The following ANXA4 variants were observed in gnomAD, a reference collection of about 807,000 sequenced individuals.
ANXA4 encodes 35-beta calcimedin.
In ANXA4, 39 loss-of-function variants were observed where a neutral mutation model predicts 49.8. That is an observed-to-expected ratio of 0.78 (90% CI 0.61 to 1.02). The LOEUF is 1.02. Among genes scored for constraint, ANXA4 ranks in the 50% least tolerant of loss-of-function variants. ANXA4 has a pLI of 0.00. For missense variants in ANXA4, 360 were observed against 410.1 expected (o/e 0.88, Z 1.05); for synonymous variants, 134 against 152.5 (o/e 0.88, Z 0.89).
intron 2 of ANXA4, among the ~76,000 whole-genome samples, chr2:69,691,557 ACACACACACACACATG>A (rs967157498): frequency 2.3e-5 from 2 of 88,700 alleles, no homozygotes; most frequent in African/African-American, 8.8e-5. Flanking sequence ...CAGTGATTTC[ACACACACACACACATG>A]CACACACACA....
intron 2 of ANXA4, among the ~76,000 whole-genome samples, chr2:69,654,055 G>C (rs1455579669): frequency 6.6e-6 from 1 of 152,160 alleles, no homozygotes; most frequent in Non-Finnish European, 1.5e-5. Context: ...AATTGTGAAT[G>C]GGAGTTCACT....
At chr2:69,793,639 T>A (rs535538910) in intron 3 of ANXA4, among the ~76,000 whole-genome samples, 7 of 152,308 alleles carry the variant, frequency 4.6e-5, no homozygotes, top group African/African-American at 1.2e-4. Context: ...GGAATACAGC[T>A]TCCAGGGCCT....
At chr2:69,805,258 C>T (rs765704578) in intron 4 of ANXA4, among the ~76,000 whole-genome samples, 1 of 151,890 alleles carries the variant, frequency 6.6e-6, no homozygotes, top group Non-Finnish European at 1.5e-5. Context: ...CACAAAGATA[C>T]AACTAAATGC....
chr2:69,813,783 A>G (rs1184788182), intron 8 of ANXA4, among the ~76,000 whole-genome samples: 1 of 135,096 alleles, frequency 7.4e-6, no homozygotes, highest in African/African-American at 2.8e-5. Context: ...TTTTTGAGAC[A>G]GGGTCTCACT....
At chr2:69,777,864 A>G (rs1672023572) in intron 1 of ANXA4, among the ~76,000 whole-genome samples, 1 of 152,172 alleles carries the variant, frequency 6.6e-6, no homozygotes, top group African/African-American at 2.4e-5. Context: ...GTCATCCTCC[A>G]TGTCAGGGGT....
Position 69,788,149 on chromosome 2 carries a change from T to C in ANXA4, c.97+8T>C, listed in dbSNP as rs765736610. ...AGGCCATGAAAGGGCTCGGTATGTG[T>C]CCTGCTGGAAGTGAATCCTCCTGCG... is the stretch of plus-strand genomic sequence containing the variant. On this transcript the variant is annotated splice_region_variant and intron_variant, in intron 3 of 12. Coordinates refer to ENST00000394295, the MANE Select transcript of ANXA4 (RefSeq NM_001153.5). 1.2e-6 allele frequency: 2 copies of C among 1,612,072 alleles called. No homozygotes were observed. The highest frequency in any genetic ancestry group is 4.5e-5 in the East Asian group (2 of 44,864).
At chr2:69,673,512 G>T (rs991995460) in intron 2 of ANXA4, among the ~76,000 whole-genome samples, 2 of 99,376 alleles carry the variant, frequency 2.0e-5, no homozygotes, top group African/African-American at 7.5e-5. Flanking sequence ...GTTGGGGATT[G>T]GGGGGCTAGG....
chr2:69,804,659 T>C, intron 4 of ANXA4, 32 bp downstream of exon 4: 1 of 1,575,772 alleles, frequency 6.3e-7, no homozygotes, highest in Non-Finnish European at 8.7e-7. Context: ...TCTGTCTGGC[T>C]GACTTCGCAG....
chr2:69,651,421 T>G (rs1468235800), intron 1 of ANXA4, among the ~76,000 whole-genome samples: 2 of 152,236 alleles, frequency 1.3e-5, no homozygotes. Flanking sequence ...GATTCTTACT[T>G]GCCTTACTGC....
chr2:69,644,567 C>CT (rs1186038438), exon 1 of ANXA4: 1 of 152,200 alleles, frequency 6.6e-6, no homozygotes, highest in East Asian at 1.9e-4. Context: ...TGGAAATGTA[C>CT]AGGCGAGATT....
chr2:69,740,680 C>CTTTTTTTTTTTTTTTTTTTTTTTTTT (rs3077548), upstream of ANXA4, among the ~76,000 whole-genome samples: 1 of 75,780 alleles, frequency 1.3e-5, no homozygotes, highest in Non-Finnish European at 2.4e-5. Context: ...CTTTCTTCCT[C>CTTTTTTTTTTTTTTTTTTTTTTTTTT]TTTTTTTTTT....
At chr2:69,723,805 C>G (rs1182966020) in intron 3 of ANXA4, among the ~76,000 whole-genome samples, 1 of 152,228 alleles carries the variant, frequency 6.6e-6, no homozygotes, top group East Asian at 1.9e-4. Context: ...CCACGTTGGT[C>G]TCCTAAAGTG....
At chr2:69,715,294 C>A (rs1678842668) in intron 2 of ANXA4, among the ~76,000 whole-genome samples, 1 of 152,184 alleles carries the variant, frequency 6.6e-6, no homozygotes, top group Non-Finnish European at 1.5e-5. Context: ...ACCACAACCT[C>A]CCCCTCCTGG....
intron 3 of ANXA4, among the ~76,000 whole-genome samples, chr2:69,799,403 T>G (rs1010053456): frequency 6.6e-6 from 1 of 152,202 alleles, no homozygotes; most frequent in East Asian, 1.9e-4. Context: ...TTCCACCCCT[T>G]CTTCTGTGCT....
chr2:69,753,065 C>T (rs1670912813), intron 1 of ANXA4, among the ~76,000 whole-genome samples: 1 of 152,190 alleles, frequency 6.6e-6, no homozygotes. Context: ...TCTTCCCCTA[C>T]CCTGCAATTC....
intron 1 of ANXA4, among the ~76,000 whole-genome samples, chr2:69,773,497 C>T (rs143057003): frequency 1.8e-4 from 27 of 152,242 alleles, no homozygotes; most frequent in African/African-American, 5.8e-4. Context: ...TGAAACAGGG[C>T]CTCCAGACCA....
chr2:69,773,387 C>T (rs1002398974), intron 1 of ANXA4, among the ~76,000 whole-genome samples: 1 of 152,092 alleles, frequency 6.6e-6, no homozygotes, highest in African/African-American at 2.4e-5. Context: ...AAGGGAAGGC[C>T]CTTGCTCTGA....
At chr2:69,678,200 A>G (rs1011668369) in intron 2 of ANXA4, among the ~76,000 whole-genome samples, 29 of 152,116 alleles carry the variant, frequency 1.9e-4, no homozygotes, top group African/African-American at 6.8e-4. Context: ...TTTTTGTTAT[A>G]AATAATGTGG....
At chr2:69,678,645 C>A (rs1166830497) in intron 2 of ANXA4, among the ~76,000 whole-genome samples, 1 of 152,144 alleles carries the variant, frequency 6.6e-6, no homozygotes, top group East Asian at 1.9e-4. Flanking sequence ...AGTTCTCCTG[C>A]CTAGGCCTCC....
Sources: gnomAD v4.1 joint callset for allele counts (sites outside exome capture counted in the v4.1 genomes callset) on GRCh38, gnomAD v4.1.1 for gene constraint, MANE v1.5 for transcripts, NCBI Gene and HGNC (gene_info 2026-07-23, HGNC 2026-07-21) for gene names.